The following MMP16 variants were observed in gnomAD, a reference collection of about 807,000 sequenced individuals.
The protein encoded by MMP16 is matrix metalloproteinase-16.
In MMP16, 12 loss-of-function variants were observed where a neutral mutation model predicts 67.8. That is an observed-to-expected ratio of 0.18 (90% confidence interval 0.11 to 0.29). The LOEUF (loss-of-function observed/expected upper bound fraction) is 0.29, where lower values mean the gene tolerates loss of function less well. MMP16 is among the 10% of genes least tolerant of loss of function. The pLI is 1.00. For synonymous variants in MMP16, 249 were observed against 255.9 expected, an observed-to-expected ratio of 0.97 and a Z score of 0.26; for missense variants, 475 against 765.7, an observed-to-expected ratio of 0.62 and a Z score of 4.48.
At chr8:88,080,683 A>G (rs919313231) in intron 6 of MMP16, among the ~76,000 whole-genome samples, 2 of 151,862 alleles carry the variant, frequency 1.3e-5, no homozygotes, top group Non-Finnish European at 2.9e-5. Flanking sequence ...TGATCCACCC[A>G]CCTTGGCCTC....
chr8:88,272,959 A>G (rs1414637117), intron 1 of MMP16, among the ~76,000 whole-genome samples: 1 of 152,138 alleles, frequency 6.6e-6, no homozygotes, highest in African/African-American at 2.4e-5. Context: ...GAACTGGAAT[A>G]GAACACCAGA....
At chr8:88,143,979 C>T (rs1030084489) in intron 4 of MMP16, among the ~76,000 whole-genome samples, 1 of 151,830 alleles carries the variant, frequency 6.6e-6, no homozygotes, top group African/African-American at 2.4e-5. Flanking sequence ...TCCAACGTTT[C>T]CATTAGATAA....
At chr8:88,266,217 A>C (rs779847197) in intron 1 of MMP16, among the ~76,000 whole-genome samples, 1 of 152,162 alleles carries the variant, frequency 6.6e-6, no homozygotes, top group Non-Finnish European at 1.5e-5. Flanking sequence ...CCACGATGGA[A>C]ACCAAGAGAG....
intron 4 of MMP16, among the ~76,000 whole-genome samples, chr8:88,155,935 T>G (rs1808502131): frequency 6.6e-6 from 1 of 152,130 alleles, no homozygotes; most frequent in Non-Finnish European, 1.5e-5. Flanking sequence ...TACGACTACC[T>G]AGCCTTAGGC....
intron 6 of MMP16, among the ~76,000 whole-genome samples, chr8:88,087,621 G>A (rs752930386): frequency 6.6e-6 from 1 of 151,702 alleles, no homozygotes; most frequent in Non-Finnish European, 1.5e-5. Flanking sequence ...AAAGAACACA[G>A]AAAGTGGAGC....
chr8:88,109,705 C>T (rs1809301503), intron 6 of MMP16, among the ~76,000 whole-genome samples: 1 of 151,174 alleles, frequency 6.6e-6, no homozygotes, highest in Admixed American at 6.6e-5. Flanking sequence ...GCTTATTTAT[C>T]TTGAATTAAT....
Position 88,252,784 on chromosome 8 carries a change from A to G in MMP16, c.133-55478T>C, listed in dbSNP as rs563410342. Among the ~76,000 whole-genome samples, 5 of 152,190 alleles carry G rather than the reference A, an allele frequency of 3.3e-5. No homozygotes were observed. The South Asian group carries it at 1.0e-3, about 31-fold the overall frequency. ...ATGATAAAAACTAAATCAACTTAGA[A>G]TTATCTTGAGACTATCCAGCCTTAA... On this transcript the variant is annotated intron_variant, in intron 1 of 9. Coordinates refer to ENST00000286614, the MANE Select transcript of MMP16 (RefSeq NM_005941.5).
chr8:88,259,136 A>G (rs936522503), intron 1 of MMP16, among the ~76,000 whole-genome samples: 3 of 152,102 alleles, frequency 2.0e-5, no homozygotes, highest in Non-Finnish European at 4.4e-5. Flanking sequence ...ATTTGAACCC[A>G]CGTCTGTGTA....
chr8:88,138,994 C>T (rs1808168349), intron 4 of MMP16, among the ~76,000 whole-genome samples: 1 of 152,070 alleles, frequency 6.6e-6, no homozygotes, highest in South Asian at 2.1e-4. Flanking sequence ...GAAAATGTTT[C>T]TGGTAACTTA....
intron 7 of MMP16, among the ~76,000 whole-genome samples, chr8:88,068,876 A>C (rs1808497811): frequency 6.6e-6 from 1 of 151,758 alleles, no homozygotes; most frequent in Non-Finnish European, 1.5e-5. Flanking sequence ...TAATTTTTAT[A>C]TTTTTAGTAG....
At position 88,041,151 on chromosome 8, in the gene MMP16, T is replaced by C. The variant is rs1808127650; in HGVS notation, c.*310A>G. ...AACTTTTAAGAAGAATCTTTTCTTC[T>C]TTTTCTCCTCTTCTTTAGTTAATCC... On this transcript the variant is annotated 3_prime_UTR_variant, in exon 10 of 10. Coordinates refer to ENST00000286614, the MANE Select transcript of MMP16 (RefSeq NM_005941.5). The surrounding 1 kb of genome is among the most constrained non-coding windows in gnomAD (Gnocchi z 6.0). 8.1e-6 allele frequency: 2 copies of C among 245,994 alleles called. No individual in the cohort carries two copies. Among genetic ancestry groups the C allele is most frequent in the Admixed American group, 5.5e-5 (1 of 18,304 alleles). The allele number at this position is 245,994 out of a possible 1,614,324, so 15.2% of individuals were successfully genotyped here.
chr8:88,088,254 T>C (rs917641943), intron 6 of MMP16, among the ~76,000 whole-genome samples: 2 of 150,590 alleles, frequency 1.3e-5, no homozygotes, highest in East Asian at 3.9e-4. Flanking sequence ...TATAGATATC[T>C]ATATATAGAG....
In MMP16 at chr8:88,167,919, G is replaced by C; in HGVS notation, c.459C>G (p.Arg153=). The C allele has an allele frequency of 6.2e-7, 1 of 1,613,924 alleles. No homozygotes were observed. The highest frequency in any genetic ancestry group is 8.5e-7 in the Non-Finnish European group (1 of 1,179,932). Residue 153 remains arginine (R), a synonymous_variant, in exon 4 of 10, where the codon CGC becomes CGG. Transcript: ENST00000286614. The part of the protein sequence containing the change: ...VGDPETRKAI[R]RAFDVWQNVT... ...CATTCTGCCACACATCAAAGGCACG[G>C]CGAATAGCTTTACGAGTCTCAGGGT...
intron 4 of MMP16, among the ~76,000 whole-genome samples, chr8:88,158,732 T>C (rs992959672): frequency 2.6e-5 from 4 of 152,220 alleles, no homozygotes; most frequent in Non-Finnish European, 4.4e-5. Context: ...AGTCATGAAG[T>C]CCTTGCCCAT....
intron 1 of MMP16, among the ~76,000 whole-genome samples, chr8:88,248,920 T>G (rs1810162930): frequency 6.6e-6 from 1 of 152,232 alleles, no homozygotes; most frequent in East Asian, 1.9e-4. Flanking sequence ...AAATGTAATC[T>G]GTAATTGTTT....
intron 1 of MMP16, among the ~76,000 whole-genome samples, chr8:88,323,285 A>C (rs1406503690): frequency 6.6e-6 from 1 of 152,194 alleles, no homozygotes; most frequent in Non-Finnish European, 1.5e-5. Context: ...ATTAATTATT[A>C]CCAAATTTAT....
chr8:88,090,415 TAAAGA>T (rs1431997601), intron 6 of MMP16, among the ~76,000 whole-genome samples: 2 of 151,934 alleles, frequency 1.3e-5, no homozygotes, highest in African/African-American at 2.4e-5. Context: ...TGTGGAAAAT[TAAAGA>T]AAACTATTTT....
intron 6 of MMP16, among the ~76,000 whole-genome samples, chr8:88,115,978 C>G (rs891162003): frequency 6.6e-6 from 1 of 152,012 alleles, no homozygotes; most frequent in African/African-American, 2.4e-5. Flanking sequence ...AATATCAAAA[C>G]AATAACATTC....
At chr8:88,120,384 A>G (rs1807805089) in intron 4 of MMP16, among the ~76,000 whole-genome samples, 1 of 151,968 alleles carries the variant, frequency 6.6e-6, no homozygotes, top group Non-Finnish European at 1.5e-5. Context: ...GCTAAAATGA[A>G]CATCTTTGTA....
Sources: allele counts gnomAD v4.1 joint callset (sites outside exome capture counted in the v4.1 genomes callset), GRCh38; gene constraint gnomAD v4.1.1; non-coding constraint Gnocchi (gnomAD v3.1); transcripts MANE v1.5; gene names NCBI Gene and HGNC (gene_info 2026-07-23, HGNC 2026-07-21).